The following STX16 variants were observed in gnomAD, a reference collection of about 807,000 sequenced individuals.
The protein encoded by STX16 is syntaxin-16.
STX16 carries 28 observed loss-of-function variants against 42.7 expected under a neutral mutation model. That is an observed-to-expected ratio of 0.66 (90% CI 0.49 to 0.90). STX16 has a LOEUF of 0.90. Among genes scored for constraint, STX16 ranks in the 40% least tolerant of loss-of-function variants. The pLI is 0.00. For missense variants in STX16, 361 were observed against 420.9 expected (o/e 0.86, Z 1.24); for synonymous variants, 156 against 155.2 (o/e 1.00, Z -0.04).
In STX16 at chr20:58,657,030, G is replaced by A. The variant is rs7267830; in HGVS notation, c.133-2593G>A. ...CTGGCAAATCTGGCTTCAGAGCCCC[G>A]TGCTCACCTCCTGGGCCACTCTGGT... is the stretch of plus-strand genomic sequence containing the variant. On this transcript the variant is annotated intron_variant, in intron 1 of 8. Coordinates refer to ENST00000371141, the MANE Select transcript of STX16 (RefSeq NM_001001433.3). This position sits in a 1 kb window ranked among gnomAD's most constrained non-coding sequence, Gnocchi z 4.2. 1.2e-3 allele frequency among the ~76,000 whole-genome samples: 177 copies of A among 152,308 alleles called. No individual in the cohort carries two copies. Among genetic ancestry groups the A allele is most frequent in the African/African-American group, 4.1e-3 (170 of 41,568 alleles).
chr20:58,670,604 G>T lies in STX16; in HGVS notation c.648+1G>T. On this transcript the variant is annotated splice_donor_variant, in intron 6 of 8. Coordinates refer to ENST00000371141, the MANE Select transcript of STX16 (RefSeq NM_001001433.3). LOFTEE classifies it high-confidence loss of function. ...AGACGATAACACTCTTTACCATCGG[G>T]TACGTGAACGGGCTGCAAAGCTGAT... 1 of 1,613,342 alleles carries T rather than the reference G, an allele frequency of 6.2e-7. No individual in the cohort carries two copies. Among genetic ancestry groups the T allele is most frequent in the East Asian group, 2.2e-5 (1 of 44,866 alleles).
rs931285204 is a variant in STX16, at chr20:58,651,779, C to A, written c.-228C>A. 4 of 505,558 alleles carry A rather than the reference C, an allele frequency of 7.9e-6. No individual in the cohort carries two copies. The highest frequency in any genetic ancestry group is 1.4e-5 in the Non-Finnish European group (4 of 279,072). The allele number at this position is 505,558 out of a possible 1,614,324, so 31.3% of individuals were successfully genotyped here. Reference sequence around the variant, plus strand: ...TCAAGTGCTTAGAGATCGAAGTCTGCCCTGGGTAGGGGGAGTCAGACAATT... The same window carrying A: ...TCAAGTGCTTAGAGATCGAAGTCTGACCTGGGTAGGGGGAGTCAGACAATT... On this transcript the variant is annotated 5_prime_UTR_variant, in exon 1 of 9. Transcript: ENST00000371141.
chr20:58,670,700 A>G, intron 6 of STX16, 97 bp downstream of exon 6: 1 of 989,744 alleles, frequency 1.0e-6, no homozygotes, highest in Admixed American at 1.9e-5. Context: ...GTGTCAGTGG[A>G]TTGATACAGT....
Position 58,651,743 on chromosome 20 carries a change from A to T in STX16, c.-264A>T, listed in dbSNP as rs2083460145. ...TGGGACGTTGGATCGCTACGCAAGGATTGGGGGGATTCAAGTGCTTAGAGA... is the reference window on the plus strand; with the variant it reads ...TGGGACGTTGGATCGCTACGCAAGGTTTGGGGGGATTCAAGTGCTTAGAGA... On this transcript the variant is annotated 5_prime_UTR_variant, in exon 1 of 9. Coordinates refer to ENST00000371141, the MANE Select transcript of STX16 (RefSeq NM_001001433.3). The T allele has an allele frequency of 2.5e-6, 1 of 403,914 alleles. No individual in the cohort carries two copies. Among genetic ancestry groups the T allele is most frequent in the Non-Finnish European group, 4.6e-6 (1 of 216,696 alleles). 25.0% of individuals were successfully genotyped at this position (403,914 alleles called of 1,614,324 possible).
chr20:58,656,212 A>G (rs2083583146), intron 1 of STX16, among the ~76,000 whole-genome samples: 1 of 152,186 alleles, frequency 6.6e-6, no homozygotes, highest in African/African-American at 2.4e-5. Context: ...GTATTTTCTC[A>G]AGTTCTGTTT....
chr20:58,657,599 A>G lies in STX16; in HGVS notation c.133-2024A>G, dbSNP rs2083610473. Among the ~76,000 whole-genome samples, 1 of 152,202 alleles carries G rather than the reference A, an allele frequency of 6.6e-6. No individual in the cohort carries two copies. The highest frequency in any genetic ancestry group is 1.5e-5 in the Non-Finnish European group (1 of 68,040). On this transcript the variant is annotated intron_variant, in intron 1 of 8. Coordinates refer to ENST00000371141, the MANE Select transcript of STX16 (RefSeq NM_001001433.3). The surrounding 1 kb of genome is among the most constrained non-coding windows in gnomAD (Gnocchi z 4.2). ...TGTTTGCTTGATTGCATGCCATTGG[A>G]AGGTCAAAAACCTAGATTTAGACAT...
At chr20:58,652,378 C>CCG (rs1555838374) in intron 1 of STX16, 36 of 587,738 alleles carry the variant, frequency 6.1e-5, no homozygotes, top group African/African-American at 5.8e-4. Flanking sequence ...AGCACCCCCC[C>CCG]CCCCGCACCC....
At chr20:58,659,731 C>T in intron 2 of STX16, 97 bp downstream of exon 2, 1 of 1,260,346 alleles carries the variant, frequency 7.9e-7, no homozygotes, top group Non-Finnish European at 1.1e-6. Flanking sequence ...ATGCTAACAG[C>T]TTATACATAT....
intron 2 of STX16, among the ~76,000 whole-genome samples, chr20:58,660,988 G>T (rs1436821828): frequency 6.6e-6 from 1 of 151,344 alleles, no homozygotes; most frequent in Non-Finnish European, 1.5e-5. Context: ...CAGGTGTCAT[G>T]GTCATGCCTG....
intron 6 of STX16, 41 bp downstream of exon 6, chr20:58,670,644 A>G: frequency 6.5e-7 from 1 of 1,536,132 alleles, no homozygotes; most frequent in South Asian, 1.1e-5. Flanking sequence ...GTGTCTGTGC[A>G]CCCCATTCTG....
intron 2 of STX16, among the ~76,000 whole-genome samples, chr20:58,661,210 G>A: frequency 6.6e-6 from 1 of 152,226 alleles, no homozygotes; most frequent in Non-Finnish European, 1.5e-5. Context: ...AACCACTTAG[G>A]TTGAAGAACC....
intron 2 of STX16, chr20:58,667,197 A>G (rs2083856773): frequency 4.0e-6 from 2 of 495,894 alleles, no homozygotes; most frequent in Non-Finnish European, 7.7e-6. Flanking sequence ...TTACATTTCT[A>G]TAGCCAGATC....
rs765700573 is a variant in STX16, at chr20:58,676,194, A to T, written c.881A>T (p.Gln294Leu). ...DGLKQLHKAE[Q>L]YQKKNRKMLV... ...TCCCTCCTCTTTTTGTAGGCAGAAC[A>T]GTATCAAAAGAAGAATCGGAAGATG... Residue 294 changes from glutamine (Q) to leucine (L), a missense_variant, in exon 9 of 9, where the codon CAG becomes CTG. By Grantham distance (113) the Gln-to-Leu change is moderately radical (BLOSUM62 -2). Transcript: ENST00000371141. 17 of 1,613,704 alleles carry T rather than the reference A, an allele frequency of 1.1e-5. No homozygotes were observed. Among genetic ancestry groups the T allele is most frequent in the Admixed American group, 1.7e-5 (1 of 60,010 alleles).
intron 2 of STX16, among the ~76,000 whole-genome samples, chr20:58,665,101 A>G (rs1383126238): frequency 6.6e-6 from 1 of 152,178 alleles, no homozygotes; most frequent in Non-Finnish European, 1.5e-5. Context: ...TGTGTCCTCC[A>G]CAGAGTTGTG....
intron 2 of STX16, among the ~76,000 whole-genome samples, chr20:58,666,430 T>G (rs1354530540): frequency 1.4e-5 from 2 of 148,080 alleles, no homozygotes; most frequent in Non-Finnish European, 3.0e-5. Context: ...TGTGTTTTTT[T>G]TTTTTTTTTT....
chr20:58,675,932 T>C (rs1275504321), intron 8 of STX16, among the ~76,000 whole-genome samples: 1 of 152,296 alleles, frequency 6.6e-6, no homozygotes. Context: ...CCTGTCAGGC[T>C]TTGTCTTAGT....
At chr20:58,672,328 G>A (rs1296012654) in intron 7 of STX16, among the ~76,000 whole-genome samples, 8 of 151,778 alleles carry the variant, frequency 5.3e-5, no homozygotes, top group African/African-American at 1.9e-4. Context: ...GTGAAACTCT[G>A]TCTCAAAAAA....
chr20:58,675,850 T>TG (rs2084104910), intron 8 of STX16, among the ~76,000 whole-genome samples: 1 of 152,184 alleles, frequency 6.6e-6, no homozygotes. Context: ...CAGGGGCACT[T>TG]GCCACGGCCT....
Position 58,677,108 on chromosome 20 carries a change from T to A in STX16, c.*817T>A, listed in dbSNP as rs2084148125. On this transcript the variant is annotated 3_prime_UTR_variant, in exon 9 of 9. Transcript: ENST00000371141. ...CACATTAAAAGAAAGCTTGACAGTG[T>A]TATGAAAGCCACCAGACTCAGCCAG... The A allele has an allele frequency of 6.6e-6, 1 of 152,654 alleles. No individual in the cohort carries two copies. Among genetic ancestry groups the A allele is most frequent in the African/African-American group, 2.4e-5 (1 of 41,460 alleles). 9.5% of individuals were successfully genotyped at this position (152,654 alleles called of 1,614,324 possible). A position where few individuals can be genotyped will look rare whatever the true frequency, so the allele number is the denominator to read the frequency against.
Sources: gnomAD v4.1 joint callset for allele counts (sites outside exome capture counted in the v4.1 genomes callset) on GRCh38, gnomAD v4.1.1 for gene constraint, Gnocchi (gnomAD v3.1) non-coding constraint, MANE v1.5 for transcripts, NCBI Gene and HGNC (gene_info 2026-07-23, HGNC 2026-07-21) for gene names.